Variants in PRKCE observed in about 807,000 individuals in gnomAD.
PRKCE encodes the protein protein kinase C epsilon type.
In PRKCE, 16 loss-of-function variants were observed where a neutral mutation model predicts 85.4. That is an observed-to-expected ratio of 0.19 (90% CI 0.13 to 0.28). PRKCE has a LOEUF of 0.28. Among genes scored for constraint, PRKCE ranks in the 10% least tolerant of loss-of-function variants. The probability of loss-of-function intolerance (pLI) is 1.00; values close to 1 mark genes in which losing one functional copy is unlikely to be tolerated. For missense variants in PRKCE, 573 were observed against 975.2 expected (o/e 0.59, Z 5.49); for synonymous variants, 388 against 371.5 (o/e 1.04, Z -0.51).
chr2:45,710,208 G>A (rs1679497900), intron 1 of PRKCE, among the ~76,000 whole-genome samples: 1 of 152,178 alleles, frequency 6.6e-6, no homozygotes, highest in Non-Finnish European at 1.5e-5. Flanking sequence ...GATGATGTAG[G>A]TACTATCACT....
At chr2:46,101,094 C>G (rs770281520) in intron 11 of PRKCE, among the ~76,000 whole-genome samples, 4 of 152,132 alleles carry the variant, frequency 2.6e-5, no homozygotes, top group Admixed American at 6.5e-5. Context: ...GTCTCAAACT[C>G]CTGACCTCGA....
chr2:45,854,901 G>A (rs1692555965), intron 2 of PRKCE, among the ~76,000 whole-genome samples: 1 of 152,158 alleles, frequency 6.6e-6, no homozygotes, highest in African/African-American at 2.4e-5. Flanking sequence ...GGAGTTATAG[G>A]GAGGCAGATT....
chr2:46,015,713 A>AC (rs1706078704), intron 10 of PRKCE, among the ~76,000 whole-genome samples: 1 of 131,506 alleles, frequency 7.6e-6, no homozygotes, highest in Admixed American at 7.5e-5. Context: ...AAAAAAAAAA[A>AC]CGAAGTAAAA....
chr2:45,740,046 G>C (rs1380156721), intron 1 of PRKCE, among the ~76,000 whole-genome samples: 1 of 151,886 alleles, frequency 6.6e-6, no homozygotes, highest in Non-Finnish European at 1.5e-5. Flanking sequence ...GCCAGGCATG[G>C]TGGCTTGTGC....
chr2:46,070,642 C>CAAAA (rs5830886), intron 10 of PRKCE, among the ~76,000 whole-genome samples: 1 of 147,822 alleles, frequency 6.8e-6, no homozygotes. Context: ...GACTCCGTCT[C>CAAAA]AAAAAAAAAA....
chr2:45,708,720 T>C (rs891804195), intron 1 of PRKCE, among the ~76,000 whole-genome samples: 8 of 152,200 alleles, frequency 5.3e-5, no homozygotes, highest in Non-Finnish European at 1.0e-4. Context: ...GTCCTGTGGC[T>C]CAATTCTGGC....
At chr2:45,816,985 A>C (rs534808364) in intron 1 of PRKCE, among the ~76,000 whole-genome samples, 1 of 152,322 alleles carries the variant, frequency 6.6e-6, no homozygotes, top group African/African-American at 2.4e-5. Flanking sequence ...AGGTGTTACT[A>C]AACATCCACA....
chr2:45,843,586 GTAT>G (rs1691539019), intron 2 of PRKCE, among the ~76,000 whole-genome samples: 1 of 152,184 alleles, frequency 6.6e-6, no homozygotes, highest in South Asian at 2.1e-4. Flanking sequence ...ATTAGATGGC[GTAT>G]TACACCCTCT....
chr2:45,782,541 C>A (rs563481231), intron 1 of PRKCE, among the ~76,000 whole-genome samples: 1 of 152,248 alleles, frequency 6.6e-6, no homozygotes, highest in East Asian at 1.9e-4. Context: ...TGTGGGAAGG[C>A]AGAGTTGAAT....
intron 2 of PRKCE, among the ~76,000 whole-genome samples, chr2:45,883,374 G>A (rs540064604): frequency 2.0e-5 from 3 of 152,340 alleles, no homozygotes; most frequent in Non-Finnish European, 2.9e-5. Flanking sequence ...GTGAAGACCC[G>A]AGGGAAGCCC....
chr2:46,171,471 T>A (rs1320578716), intron 14 of PRKCE, among the ~76,000 whole-genome samples: 2 of 152,232 alleles, frequency 1.3e-5, no homozygotes, highest in Non-Finnish European at 2.9e-5. Flanking sequence ...TGCGTGTCTT[T>A]GTGCAGATGG....
chr2:45,718,816 A>G (rs1231507737), intron 1 of PRKCE, among the ~76,000 whole-genome samples: 1 of 152,208 alleles, frequency 6.6e-6, no homozygotes, highest in Non-Finnish European at 1.5e-5. Context: ...TAGTAATTTC[A>G]TGGTTTAATC....
intron 2 of PRKCE, among the ~76,000 whole-genome samples, chr2:45,961,260 T>A (rs1701357159): frequency 6.6e-6 from 1 of 152,206 alleles, no homozygotes; most frequent in South Asian, 2.1e-4. Context: ...GGTTGAGCAG[T>A]GAACAAGTCT....
chr2:45,967,437 G>C (rs1397094343), intron 2 of PRKCE, among the ~76,000 whole-genome samples: 1 of 152,120 alleles, frequency 6.6e-6, no homozygotes, highest in Non-Finnish European at 1.5e-5. Flanking sequence ...CCCCACAGTA[G>C]ACCAGCAGAG....
In PRKCE at chr2:45,926,466, G is replaced by T. The variant is rs1196953721; in HGVS notation, c.413-49963G>T. On this transcript the variant is annotated intron_variant, in intron 2 of 14. Coordinates refer to ENST00000306156, the MANE Select transcript of PRKCE (RefSeq NM_005400.3). ...TGTTATGGTGGTGGTGGTAATGGCGGTGATAGTGGTGATAAAGAGGAGGGG... is the reference window on the plus strand; with the variant it reads ...TGTTATGGTGGTGGTGGTAATGGCGTTGATAGTGGTGATAAAGAGGAGGGG... 8.5e-5 allele frequency among the ~76,000 whole-genome samples: 13 copies of T among 152,262 alleles called. 1 individual carries two copies. The highest frequency in any genetic ancestry group is 1.9e-4 in the Non-Finnish European group (13 of 68,022).
At chr2:46,109,933 C>G (rs1406921758) in intron 11 of PRKCE, among the ~76,000 whole-genome samples, 2 of 152,078 alleles carry the variant, frequency 1.3e-5, no homozygotes, top group Non-Finnish European at 2.9e-5. Context: ...TTGTAAGATG[C>G]TTCATCTGCA....
At chr2:46,017,994 C>G (rs1706311112) in intron 10 of PRKCE, among the ~76,000 whole-genome samples, 1 of 152,198 alleles carries the variant, frequency 6.6e-6, no homozygotes, top group Admixed American at 6.5e-5. Context: ...CCCTCTTCCC[C>G]AATTCCTGTC....
rs768236669 is a variant in PRKCE, at chr2:46,001,579, C to T, written c.966+33C>T. The T allele has an allele frequency of 3.1e-6, 5 of 1,587,700 alleles. No homozygotes were observed. The highest frequency in any genetic ancestry group is 4.3e-6 in the Non-Finnish European group (5 of 1,172,960). On this transcript the variant is annotated intron_variant, in intron 7 of 14. Coordinates refer to ENST00000306156, the MANE Select transcript of PRKCE (RefSeq NM_005400.3). The surrounding 1 kb of genome is among the most constrained non-coding windows in gnomAD (Gnocchi z 4.4). ...GCTGTTTGGTGGTGTTGCTGGAGCC[C>T]TTTTCAGGCTAGCATTTCTGTGCTG...
intron 11 of PRKCE, among the ~76,000 whole-genome samples, chr2:46,096,226 A>G (rs1285060924): frequency 6.6e-6 from 1 of 152,252 alleles, no homozygotes; most frequent in Admixed American, 6.5e-5. Flanking sequence ...TCAGTGTTCC[A>G]TGGGAATTAT....
Sources: gnomAD v4.1 joint callset for allele counts (sites outside exome capture counted in the v4.1 genomes callset) on GRCh38, gnomAD v4.1.1 for gene constraint, Gnocchi (gnomAD v3.1) non-coding constraint, MANE v1.5 for transcripts, NCBI Gene and HGNC (gene_info 2026-07-23, HGNC 2026-07-21) for gene names.